SLC24A3: variants seen among roughly 807,000 people sequenced by gnomAD.
The protein encoded by SLC24A3 is sodium/potassium/calcium exchanger 3.
Under a neutral mutation model 75.8 loss-of-function variants are expected in SLC24A3, and 28 were observed. The observed-to-expected ratio is 0.37, with a 90% CI of 0.27 to 0.51. The LOEUF is 0.51. Ranked by LOEUF, SLC24A3 falls within the 20% of genes least tolerant of loss-of-function variation. The pLI, the probability that SLC24A3 is intolerant of heterozygous loss-of-function variation, is 0.94. For synonymous variants in SLC24A3, 372 were observed against 334.1 expected (o/e 1.11, Z -1.24); for missense variants, 663 against 847.8 (o/e 0.78, Z 2.71).
At chr20:19,371,703 A>T (rs1985995663) in intron 2 of SLC24A3, among the ~76,000 whole-genome samples, 1 of 152,020 alleles carries the variant, frequency 6.6e-6, no homozygotes, top group African/African-American at 2.4e-5. Context: ...TTGGGGTGGG[A>T]CCCCAGACCC....
chr20:19,383,168 T>A (rs1054216276), intron 2 of SLC24A3, among the ~76,000 whole-genome samples: 1 of 152,194 alleles, frequency 6.6e-6, no homozygotes, highest in Non-Finnish European at 1.5e-5. Context: ...CATGATGATA[T>A]ACATATTTCT....
chr20:19,545,844 T>G (rs2030579505), intron 3 of SLC24A3, among the ~76,000 whole-genome samples: 1 of 152,042 alleles, frequency 6.6e-6, no homozygotes, highest in Non-Finnish European at 1.5e-5. Context: ...TAAACACCAT[T>G]CCTTATAATA....
intron 2 of SLC24A3, among the ~76,000 whole-genome samples, chr20:19,396,696 A>G (rs1986459888): frequency 6.6e-6 from 1 of 152,236 alleles, no homozygotes; most frequent in Non-Finnish European, 1.5e-5. Flanking sequence ...TGCAGATCAA[A>G]TTACTTCTCT....
chr20:19,493,238 C>T (rs1201094796), intron 2 of SLC24A3, among the ~76,000 whole-genome samples: 1 of 152,180 alleles, frequency 6.6e-6, no homozygotes, highest in Non-Finnish European at 1.5e-5. Flanking sequence ...GAGTTGGTCA[C>T]ATGAGCAGTC....
chr20:19,345,026 G>A (rs2122314297), intron 2 of SLC24A3, among the ~76,000 whole-genome samples: 1 of 152,246 alleles, frequency 6.6e-6, no homozygotes, highest in East Asian at 1.9e-4. Flanking sequence ...CACTGATTTG[G>A]AAGAAAGAAA....
At chr20:19,458,987 A>G (rs1987625569) in intron 2 of SLC24A3, among the ~76,000 whole-genome samples, 1 of 152,130 alleles carries the variant, frequency 6.6e-6, no homozygotes, top group South Asian at 2.1e-4. Flanking sequence ...AGTGGTTAAG[A>G]TAGTAGTGTT....
At chr20:19,602,873 G>A (rs895723929) in intron 6 of SLC24A3, among the ~76,000 whole-genome samples, 3 of 152,150 alleles carry the variant, frequency 2.0e-5, no homozygotes, top group Admixed American at 6.5e-5. Flanking sequence ...CCACATGTCC[G>A]GCAAGCAGAC....
chr20:19,458,879 G>A (rs1987622732), intron 2 of SLC24A3, among the ~76,000 whole-genome samples: 1 of 152,198 alleles, frequency 6.6e-6, no homozygotes. Context: ...TTTACTGTGT[G>A]AGCATTCTCA....
At chr20:19,473,307 A>T (rs367714648) in intron 2 of SLC24A3, among the ~76,000 whole-genome samples, 9 of 152,224 alleles carry the variant, frequency 5.9e-5, no homozygotes, top group African/African-American at 2.2e-4. Flanking sequence ...TATTTACATT[A>T]TAAAGGTAAG....
At chr20:19,642,439 A>G (rs1409199628) in intron 6 of SLC24A3, among the ~76,000 whole-genome samples, 1 of 152,138 alleles carries the variant, frequency 6.6e-6, no homozygotes, top group African/African-American at 2.4e-5. Flanking sequence ...CATAGGCAGC[A>G]CTCTTGATCA....
At chr20:19,458,365 T>C (rs1023248826) in intron 2 of SLC24A3, among the ~76,000 whole-genome samples, 2 of 152,222 alleles carry the variant, frequency 1.3e-5, no homozygotes, top group African/African-American at 4.8e-5. Context: ...TTTTTAAAAT[T>C]GTCGTAAATA....
In SLC24A3 at chr20:19,667,647, T is replaced by C. The variant is rs946353683; in HGVS notation, c.713+1758T>C. Among the ~76,000 whole-genome samples the C allele has an allele frequency of 2.0e-5, 3 of 152,296 alleles. No individual in the cohort carries two copies. In the South Asian group the frequency reaches 6.2e-4, roughly 32 times the overall value. On this transcript the variant is annotated intron_variant, in intron 8 of 16. Transcript: ENST00000328041. ...AAAGGCTACCCAGGATGGTTTGCTG[T>C]CAGCCTTAGAGGGAGCCGTCTTTTC...
At chr20:19,378,234 G>A (rs758795691) in intron 2 of SLC24A3, among the ~76,000 whole-genome samples, 10 of 151,936 alleles carry the variant, frequency 6.6e-5, no homozygotes, top group South Asian at 2.1e-4. Context: ...CTGGGCATGC[G>A]TGCTGTCACA....
chr20:19,677,686 C>CTTTTTTTTTTTTT (rs796484728), intron 9 of SLC24A3, among the ~76,000 whole-genome samples: 11 of 113,902 alleles, frequency 9.7e-5, no homozygotes, highest in Non-Finnish European at 1.4e-4. Flanking sequence ...TTTTTTTTTT[C>CTTTTTTTTTTTTT]TTTTTTTTTT....
intron 2 of SLC24A3, among the ~76,000 whole-genome samples, chr20:19,425,607 C>T (rs370966686): frequency 1.1e-4 from 16 of 152,176 alleles, no homozygotes; most frequent in African/African-American, 3.4e-4. Flanking sequence ...CTAAGTTGTC[C>T]GCTTGATGTC....
chr20:19,714,420 A>C (rs1242202235), intron 15 of SLC24A3, among the ~76,000 whole-genome samples: 4 of 137,124 alleles, frequency 2.9e-5, no homozygotes, highest in African/African-American at 8.2e-5. Flanking sequence ...AAAAAAAAAA[A>C]AAAAAACAAC....
intron 16 of SLC24A3, among the ~76,000 whole-genome samples, chr20:19,719,591 C>T (rs940159433): frequency 4.0e-5 from 6 of 151,850 alleles, no homozygotes; most frequent in Non-Finnish European, 7.4e-5. Flanking sequence ...GTGAAGTAGC[C>T]GTCTGGGGAA....
chr20:19,266,771 A>G (rs1983179632), intron 1 of SLC24A3, among the ~76,000 whole-genome samples: 1 of 152,240 alleles, frequency 6.6e-6, no homozygotes. Flanking sequence ...ACAGAGCCTG[A>G]GGCAAGGCAT....
At chr20:19,685,848 G>A (rs1024684225) in intron 12 of SLC24A3, among the ~76,000 whole-genome samples, 6 of 152,092 alleles carry the variant, frequency 3.9e-5, no homozygotes, top group East Asian at 1.9e-4. Flanking sequence ...GAATTGCTCC[G>A]CAGGAAATAG....
Sources: allele counts gnomAD v4.1 joint callset (sites outside exome capture counted in the v4.1 genomes callset), GRCh38; gene constraint gnomAD v4.1.1; transcripts MANE v1.5; gene names NCBI Gene and HGNC (gene_info 2026-07-23, HGNC 2026-07-21).